The following CLASP1 variants were observed in gnomAD, a reference collection of about 807,000 sequenced individuals.
The protein encoded by CLASP1 is CLIP-associating protein 1.
In CLASP1, 38 loss-of-function variants were observed where a neutral mutation model predicts 192.3. The observed-to-expected ratio is 0.20, with a 90% confidence interval of 0.15 to 0.26. The LOEUF is 0.26. Ranked by LOEUF, CLASP1 falls within the 10% of genes least tolerant of loss-of-function variation. CLASP1 has a pLI of 1.00. For missense variants in CLASP1, 1,433 were observed against 1,932.5 expected (o/e 0.74, Z 4.85); for synonymous variants, 691 against 712.8 (o/e 0.97, Z 0.49).
chr2:121,574,246 T>C (rs1266567676), intron 2 of CLASP1, among the ~76,000 whole-genome samples: 1 of 150,750 alleles, frequency 6.6e-6, no homozygotes, highest in African/African-American at 2.5e-5. Flanking sequence ...GAGAATGGCA[T>C]GAACCCAGGA....
At chr2:121,576,272 G>A (rs995273109) in intron 2 of CLASP1, among the ~76,000 whole-genome samples, 25 of 152,190 alleles carry the variant, frequency 1.6e-4, no homozygotes, top group African/African-American at 5.8e-4. Context: ...ATTAAGCCAT[G>A]GTAAATGTTA....
chr2:121,418,259 G>A (rs547864001), intron 23 of CLASP1, among the ~76,000 whole-genome samples: 1 of 152,280 alleles, frequency 6.6e-6, no homozygotes, highest in Admixed American at 6.5e-5. Context: ...AAGATAAATT[G>A]TAAAAATTCA....
At chr2:121,586,318 G>T (rs1392315698) in intron 2 of CLASP1, among the ~76,000 whole-genome samples, 1 of 152,054 alleles carries the variant, frequency 6.6e-6, no homozygotes, top group African/African-American at 2.4e-5. Context: ...ATAGAGATGG[G>T]GTTTCACCGT....
chr2:121,351,493 T>C (rs1397273361), intron 37 of CLASP1, among the ~76,000 whole-genome samples: 3 of 152,258 alleles, frequency 2.0e-5, no homozygotes, highest in African/African-American at 7.2e-5. Context: ...TTAATTCTCC[T>C]AGCTGTCTGA....
At chr2:121,344,941 TG>T (rs1219191428) in intron 39 of CLASP1, among the ~76,000 whole-genome samples, 3 of 152,144 alleles carry the variant, frequency 2.0e-5, no homozygotes, top group Non-Finnish European at 4.4e-5. Flanking sequence ...GAGGATCACC[TG>T]AGGTCAGGAG....
intron 2 of CLASP1, among the ~76,000 whole-genome samples, chr2:121,555,567 C>T (rs575923657): frequency 2.0e-5 from 3 of 152,332 alleles, no homozygotes; most frequent in East Asian, 1.9e-4. Context: ...TCATGAACTA[C>T]GTATTCCAAT....
At chr2:121,624,976 T>G (rs2068050330) in intron 1 of CLASP1, among the ~76,000 whole-genome samples, 1 of 152,224 alleles carries the variant, frequency 6.6e-6, no homozygotes, top group Non-Finnish European at 1.5e-5. Flanking sequence ...TTCCCCAAAT[T>G]TCCTTCTGTT....
intron 2 of CLASP1, among the ~76,000 whole-genome samples, chr2:121,592,403 A>T (rs1053340560): frequency 1.3e-5 from 2 of 152,248 alleles, no homozygotes; most frequent in Non-Finnish European, 2.9e-5. Context: ...CAATGTATGA[A>T]TATAAATGTA....
chr2:121,344,459 G>A (rs771867852), intron 39 of CLASP1, among the ~76,000 whole-genome samples: 51 of 151,916 alleles, frequency 3.4e-4, no homozygotes, highest in Non-Finnish European at 6.3e-4. Context: ...GGCCTCCTGA[G>A]TAGCTGGGAT....
intron 22 of CLASP1, among the ~76,000 whole-genome samples, chr2:121,424,299 TC>T (rs2080028500): frequency 6.6e-6 from 1 of 152,222 alleles, no homozygotes. Flanking sequence ...CTTCTAATTC[TC>T]AGGTCTAACA....
chr2:121,589,704 G>A (rs2062161332), intron 2 of CLASP1, among the ~76,000 whole-genome samples: 1 of 151,472 alleles, frequency 6.6e-6, no homozygotes, highest in African/African-American at 2.4e-5. Flanking sequence ...CAGTTAAGAT[G>A]AGCTGATATT....
intron 8 of CLASP1, among the ~76,000 whole-genome samples, chr2:121,486,990 CCAAGTGT>C (rs2093018482): frequency 6.6e-6 from 1 of 152,186 alleles, no homozygotes; most frequent in Non-Finnish European, 1.5e-5. Context: ...AATTCTATGT[CCAAGTGT>C]CCAAAACTAT....
intron 2 of CLASP1, among the ~76,000 whole-genome samples, chr2:121,599,465 G>A (rs1346232868): frequency 5.3e-5 from 8 of 150,994 alleles, no homozygotes; most frequent in Non-Finnish European, 1.2e-4. Context: ...GTGCATGCCT[G>A]TAGTCCCAGC....
intron 14 of CLASP1, among the ~76,000 whole-genome samples, chr2:121,456,222 G>A (rs188033484): frequency 1.3e-5 from 2 of 151,774 alleles, no homozygotes; most frequent in East Asian, 3.9e-4. Context: ...AACAAAGATT[G>A]GGCATGGTGG....
intron 2 of CLASP1, among the ~76,000 whole-genome samples, chr2:121,602,174 CAA>C (rs71398035): frequency 7.6e-5 from 10 of 131,300 alleles, no homozygotes; most frequent in Non-Finnish European, 6.7e-5. Context: ...CACTCCATCT[CAA>C]AAAAAAAAAA....
At chr2:121,422,901 GA>G (rs998221081) in intron 22 of CLASP1, among the ~76,000 whole-genome samples, 2 of 152,002 alleles carry the variant, frequency 1.3e-5, no homozygotes, top group African/African-American at 4.8e-5. Context: ...GGGAATTATA[GA>G]AAATATTCCT....
chr2:121,557,381 C>T (rs1394324825), intron 2 of CLASP1, among the ~76,000 whole-genome samples: 1 of 152,050 alleles, frequency 6.6e-6, no homozygotes, highest in African/African-American at 2.4e-5. Flanking sequence ...GTCAGGAGTT[C>T]GAGACCAGCC....
At chr2:121,569,863 G>A (rs995616455) in intron 2 of CLASP1, among the ~76,000 whole-genome samples, 4 of 152,120 alleles carry the variant, frequency 2.6e-5, no homozygotes, top group African/African-American at 9.7e-5. Flanking sequence ...TACTTGGAAT[G>A]CTGTGTGCAC....
intron 1 of CLASP1, among the ~76,000 whole-genome samples, chr2:121,640,888 T>C (rs1363670226): frequency 5.9e-5 from 9 of 152,208 alleles, no homozygotes; most frequent in Admixed American, 3.9e-4. Flanking sequence ...TCCAACTGCC[T>C]GGCAAATGGT....
Sources: gnomAD v4.1 joint callset for allele counts (sites outside exome capture counted in the v4.1 genomes callset) on GRCh38, gnomAD v4.1.1 for gene constraint, MANE v1.5 for transcripts, NCBI Gene and HGNC (gene_info 2026-07-23, HGNC 2026-07-21) for gene names.